Variants in CPAMD8 observed in about 807,000 individuals in gnomAD.
The protein encoded by CPAMD8 is C3 and PZP-like alpha-2-macroglobulin domain-containing protein 8.
CPAMD8 carries 146 observed loss-of-function variants against 224.7 expected under a neutral mutation model. The ratio of observed to expected loss-of-function variants is 0.65; its 90% confidence interval spans 0.57 to 0.75. The LOEUF is 0.75. CPAMD8 is among the 30% of genes least tolerant of loss of function. The pLI, the probability that CPAMD8 is intolerant of heterozygous loss-of-function variation, is 0.00. For synonymous variants in CPAMD8, 966 were observed against 1,044.6 expected (o/e 0.92, Z 1.45); for missense variants, 2,301 against 2,537.5 (o/e 0.91, Z 2.00).
intron 27 of CPAMD8, among the ~76,000 whole-genome samples, chr19:16,920,878 A>G (rs2053147843): frequency 7.1e-6 from 1 of 141,482 alleles, no homozygotes; most frequent in African/African-American, 2.5e-5. Flanking sequence ...AAAAAAAAAA[A>G]AGGTCCAATG....
At chr19:17,012,105 T>C (rs1460572645) in intron 3 of CPAMD8, among the ~76,000 whole-genome samples, 1 of 151,920 alleles carries the variant, frequency 6.6e-6, no homozygotes, top group Non-Finnish European at 1.5e-5. Context: ...TTGCAACCTC[T>C]GTCTCCCAGC....
rs370344630 is a variant in CPAMD8 at position 16,919,569 on chromosome 19, G to T, written c.3629+2336C>A. Among the ~76,000 whole-genome samples the T allele has an allele frequency of 5.9e-5, 9 of 152,362 alleles. No homozygotes were observed. The East Asian group carries it at 1.5e-3, about 26-fold the overall frequency. On this transcript the variant is annotated intron_variant, in intron 27 of 41. Transcript: ENST00000443236. Reference sequence around the variant, plus strand: ...CTGCTCCTGAATTCCTGATCCATAAGAATTAATACATAATAAATAGAGATA... The same window carrying T: ...CTGCTCCTGAATTCCTGATCCATAATAATTAATACATAATAAATAGAGATA...
At chr19:17,000,298 C>G in intron 10 of CPAMD8, 116 bp downstream of exon 10, 1 of 597,222 alleles carries the variant, frequency 1.7e-6, no homozygotes, top group Non-Finnish European at 3.1e-6. Flanking sequence ...TATTCAAAAA[C>G]TTTTTAAAGG....
At position 16,945,696 on chromosome 19, in the gene CPAMD8, T is replaced by A; in HGVS notation, c.2663-17A>T. ...GGGCTTTGGCTGCAGAAATTTGATG[T>A]CTTGGTCTCAGAACAGGTCTCCACC... On this transcript the variant is annotated splice_polypyrimidine_tract_variant and intron_variant, in intron 21 of 41. Coordinates refer to ENST00000443236, the MANE Select transcript of CPAMD8 (RefSeq NM_015692.5). The A allele has an allele frequency of 1.2e-6, 2 of 1,613,726 alleles. No individual in the cohort carries two copies. Among genetic ancestry groups the A allele is most frequent in the African/African-American group, 2.7e-5 (2 of 75,054 alleles).
intron 12 of CPAMD8, among the ~76,000 whole-genome samples, chr19:16,990,834 G>T (rs2055916434): frequency 8.3e-6 from 1 of 121,210 alleles, no homozygotes; most frequent in African/African-American, 3.2e-5. Context: ...TTGCATTCCA[G>T]CCTGGGCAAT....
intron 36 of CPAMD8, among the ~76,000 whole-genome samples, chr19:16,900,418 A>G (rs1303120322): frequency 1.3e-5 from 2 of 150,552 alleles, no homozygotes; most frequent in Non-Finnish European, 3.0e-5. Flanking sequence ...ACCAACATGG[A>G]GAAACTCCAT....
intron 19 of CPAMD8, among the ~76,000 whole-genome samples, chr19:16,953,863 A>G (rs1301164697): frequency 6.6e-6 from 1 of 152,210 alleles, no homozygotes; most frequent in African/African-American, 2.4e-5. Flanking sequence ...ATGACTGATA[A>G]ATACATGAAA....
chr19:16,955,851 A>AT (rs919721437), intron 19 of CPAMD8, among the ~76,000 whole-genome samples: 1 of 151,196 alleles, frequency 6.6e-6, no homozygotes, highest in Non-Finnish European at 1.5e-5. Flanking sequence ...TAATTTAAAA[A>AT]TTTTTTTTAG....
intron 18 of CPAMD8, among the ~76,000 whole-genome samples, chr19:16,964,081 A>G (rs994274509): frequency 2.6e-5 from 4 of 152,232 alleles, no homozygotes; most frequent in African/African-American, 9.6e-5. Flanking sequence ...CCCACAAGAG[A>G]AAGCAGGAAA....
intron 11 of CPAMD8, among the ~76,000 whole-genome samples, chr19:16,994,924 C>A (rs985571120): frequency 6.6e-6 from 1 of 152,204 alleles, no homozygotes; most frequent in African/African-American, 2.4e-5. Context: ...GCCTCGGCCT[C>A]CCAAAGCACT....
chr19:16,950,793 GA>G (rs757775739), intron 20 of CPAMD8, among the ~76,000 whole-genome samples: 621 of 45,870 alleles, frequency 0.014, 2 homozygotes, highest in East Asian at 0.044. Context: ...ACCCTGTCTC[GA>G]AAAAAAAAAA....
At position 16,915,150 on chromosome 19, in the gene CPAMD8, C is replaced by G. The variant is rs182474524; in HGVS notation, c.3630-337G>C. Among the ~76,000 whole-genome samples the G allele has an allele frequency of 1.8e-4, 27 of 152,110 alleles. No individual in the cohort carries two copies. In the East Asian group the frequency reaches 5.0e-3, roughly 28 times the overall value. On this transcript the variant is annotated intron_variant, in intron 27 of 41. Transcript: ENST00000443236. The stretch of plus-strand genomic sequence containing the variant: ...ATGTGAGGAAGACCCTTCTGGTTGC[C>G]GACCTCACAGCCATTTCTTGCTTGG...
intron 7 of CPAMD8, among the ~76,000 whole-genome samples, chr19:17,004,720 C>T (rs2056436714): frequency 6.6e-6 from 1 of 152,056 alleles, no homozygotes; most frequent in Admixed American, 6.5e-5. Flanking sequence ...CCATCCCCCG[C>T]CACCCGAGTC....
Position 16,896,442 on chromosome 19 carries a change from G to T in CPAMD8, c.5275+14C>A. 6.8e-7 allele frequency: 1 copy of T among 1,460,648 alleles called. No individual in the cohort carries two copies. Among genetic ancestry groups the T allele is most frequent in the Non-Finnish European group, 9.0e-7 (1 of 1,109,908 alleles). The allele number at this position is 1,460,648 out of a possible 1,614,324, so 90.5% of individuals were successfully genotyped here. On this transcript the variant is annotated intron_variant, in intron 40 of 41. Coordinates refer to ENST00000443236, the MANE Select transcript of CPAMD8 (RefSeq NM_015692.5). ...ATGGTGTCCCCGAGGCTAGGCGGGG[G>T]GTAGGGTCCTCACCGAGGGCGCAGC... is the stretch of plus-strand genomic sequence containing the variant.
chr19:17,018,550 T>A (rs2123224204), intron 3 of CPAMD8, among the ~76,000 whole-genome samples: 1 of 152,156 alleles, frequency 6.6e-6, no homozygotes, highest in South Asian at 2.1e-4. Context: ...CATACAAACA[T>A]TCTGGCGACT....
chr19:17,001,543 TGAG>T (rs2123035176), intron 9 of CPAMD8, among the ~76,000 whole-genome samples: 1 of 150,220 alleles, frequency 6.7e-6, no homozygotes, highest in Admixed American at 6.6e-5. Context: ...GGGCAGGACT[TGAG>T]GAAGGAATAC....
chr19:16,973,335 GC>G (rs1213943787), intron 17 of CPAMD8, among the ~76,000 whole-genome samples: 1 of 152,072 alleles, frequency 6.6e-6, no homozygotes, highest in Admixed American at 6.6e-5. Flanking sequence ...AGGGAAGGAT[GC>G]CTTTGAAATT....
intron 27 of CPAMD8, among the ~76,000 whole-genome samples, chr19:16,915,823 GCCTGCCTT>G (rs2052930598): frequency 8.8e-6 from 1 of 114,056 alleles, no homozygotes; most frequent in Admixed American, 9.0e-5. Context: ...CTGCCCGCCT[GCCTGCCTT>G]CCTTCCTTCC....
intron 13 of CPAMD8, among the ~76,000 whole-genome samples, chr19:16,987,030 G>A (rs2055743848): frequency 6.6e-6 from 1 of 150,534 alleles, no homozygotes; most frequent in African/African-American, 2.4e-5. Flanking sequence ...ATGGTGGCAG[G>A]TGCCTGTAAT....
Sources: allele counts gnomAD v4.1 joint callset (sites outside exome capture counted in the v4.1 genomes callset), GRCh38; gene constraint gnomAD v4.1.1; transcripts MANE v1.5; gene names NCBI Gene and HGNC (gene_info 2026-07-23, HGNC 2026-07-21).